Variants in IQGAP2 observed in about 807,000 individuals in gnomAD.
IQGAP2 encodes IQ motif containing GTPase activating protein 2, also known as ras GTPase-activating-like protein IQGAP2.
A neutral mutation model predicts 201.3 loss-of-function variants in IQGAP2; 173 were observed. That is an observed-to-expected ratio of 0.86 (90% CI 0.76 to 0.98). The LOEUF (loss-of-function observed/expected upper bound fraction) is 0.98, where lower values mean the gene tolerates loss of function less well. Among genes scored for constraint, IQGAP2 ranks in the 50% least tolerant of loss-of-function variants. IQGAP2 has a pLI of 0.00. For missense variants in IQGAP2, 1,687 were observed against 1,864.8 expected (o/e 0.90, Z 1.76); for synonymous variants, 675 against 673.9 (o/e 1.00, Z -0.03).
chr5:76,620,206 G>C (rs755192877), intron 13 of IQGAP2, among the ~76,000 whole-genome samples: 1 of 152,208 alleles, frequency 6.6e-6, no homozygotes, highest in South Asian at 2.1e-4. Context: ...AGGTAATAGT[G>C]TAGAGAACAG....
At chr5:76,667,895 T>G (rs1288851551) in intron 22 of IQGAP2, among the ~76,000 whole-genome samples, 2 of 116,002 alleles carry the variant, frequency 1.7e-5, no homozygotes, top group Non-Finnish European at 3.7e-5. Flanking sequence ...TTTTTTTTTT[T>G]TTTTTGATAC....
intron 2 of IQGAP2, among the ~76,000 whole-genome samples, chr5:76,512,937 C>A (rs1580357696): frequency 1.3e-5 from 2 of 152,132 alleles, no homozygotes; most frequent in East Asian, 1.9e-4. Flanking sequence ...CGCCTGTAAT[C>A]CCAGCTACTC....
chr5:76,467,499 G>A (rs1305313943), intron 2 of IQGAP2, among the ~76,000 whole-genome samples: 1 of 152,170 alleles, frequency 6.6e-6, no homozygotes, highest in Non-Finnish European at 1.5e-5. Flanking sequence ...ACAAATGTTA[G>A]TGAGGATGTA....
At chr5:76,622,222 C>T (rs367859520) in intron 13 of IQGAP2, among the ~76,000 whole-genome samples, 5 of 152,148 alleles carry the variant, frequency 3.3e-5, no homozygotes, top group East Asian at 1.9e-4. Flanking sequence ...GAACCACCCC[C>T]GAAAACCTTG....
chr5:76,418,966 G>A (rs1751567398), intron 1 of IQGAP2, among the ~76,000 whole-genome samples: 1 of 152,078 alleles, frequency 6.6e-6, no homozygotes, highest in African/African-American at 2.4e-5. Context: ...ATCCACACCA[G>A]CATAATATCC....
chr5:76,609,030 G>A (rs1358947205), intron 12 of IQGAP2: 1 of 1,416,712 alleles, frequency 7.1e-7, no homozygotes, highest in African/African-American at 1.4e-5. Flanking sequence ...AGGAAGTGAT[G>A]CATATGTTCC....
intron 2 of IQGAP2, among the ~76,000 whole-genome samples, chr5:76,559,334 C>T (rs954297261): frequency 7.2e-5 from 11 of 152,210 alleles, no homozygotes; most frequent in African/African-American, 2.4e-4. Context: ...TGGGAAAGGC[C>T]TGACAGAGGA....
rs1312017837 is a variant in IQGAP2, at chr5:76,436,206, A to C, written c.47-25364A>C. Reference sequence around the variant, plus strand: ...ATCTTTTCCAATTTGGATGCCCTTTATTTCTTTCTCTTGCCTTATTGCTAT... The same window carrying C: ...ATCTTTTCCAATTTGGATGCCCTTTCTTTCTTTCTCTTGCCTTATTGCTAT... On this transcript the variant is annotated intron_variant, in intron 1 of 35. Coordinates refer to ENST00000274364, the MANE Select transcript of IQGAP2 (RefSeq NM_006633.5). Among the ~76,000 whole-genome samples, 3 of 151,518 alleles carry C rather than the reference A, an allele frequency of 2.0e-5. No individual in the cohort carries two copies. In the East Asian group the frequency reaches 5.8e-4, roughly 29 times the overall value.
At chr5:76,653,849 T>C (rs1752703060) in intron 18 of IQGAP2, among the ~76,000 whole-genome samples, 1 of 152,214 alleles carries the variant, frequency 6.6e-6, no homozygotes, top group African/African-American at 2.4e-5. Flanking sequence ...CTTAGTTTAC[T>C]TGATTTCCTG....
At chr5:76,436,865 G>A (rs759482813) in intron 1 of IQGAP2, among the ~76,000 whole-genome samples, 4 of 151,410 alleles carry the variant, frequency 2.6e-5, no homozygotes, top group African/African-American at 7.3e-5. Flanking sequence ...TTTATGTGAT[G>A]TATTGACTTA....
chr5:76,677,368 G>A lies in IQGAP2; in HGVS notation c.3660+18G>A, dbSNP rs780501950. ...CACACTCAGTAAGTGGGGATGGGGA[G>A]CCATCTTAGCAATGGACCCATGATT... On this transcript the variant is annotated intron_variant, in intron 28 of 35. Coordinates refer to ENST00000274364, the MANE Select transcript of IQGAP2 (RefSeq NM_006633.5). The A allele has an allele frequency of 1.2e-6, 2 of 1,611,836 alleles. No individual in the cohort carries two copies. The highest frequency in any genetic ancestry group is 4.5e-5 in the East Asian group (2 of 44,818).
chr5:76,625,960 A>G (rs1750182019), intron 13 of IQGAP2, among the ~76,000 whole-genome samples: 1 of 152,236 alleles, frequency 6.6e-6, no homozygotes, highest in Non-Finnish European at 1.5e-5. Context: ...AAAAGATTTT[A>G]TAAAACACAA....
intron 2 of IQGAP2, among the ~76,000 whole-genome samples, chr5:76,515,907 T>G (rs1230540903): frequency 7.0e-6 from 1 of 143,078 alleles, no homozygotes; most frequent in Non-Finnish European, 1.5e-5. Context: ...AGATAGAGTC[T>G]TACTCTGTTA....
At chr5:76,539,287 C>A (rs1026202296) in intron 2 of IQGAP2, among the ~76,000 whole-genome samples, 2 of 152,154 alleles carry the variant, frequency 1.3e-5, no homozygotes, top group African/African-American at 4.8e-5. Context: ...TGGAACATTC[C>A]CTTGAGGCTC....
At chr5:76,516,176 G>C (rs1393662115) in intron 2 of IQGAP2, among the ~76,000 whole-genome samples, 1 of 152,042 alleles carries the variant, frequency 6.6e-6, no homozygotes, top group Non-Finnish European at 1.5e-5. Context: ...CACCCAGCCA[G>C]GGATGATCTT....
At chr5:76,531,943 T>C (rs1360054213) in intron 2 of IQGAP2, among the ~76,000 whole-genome samples, 1 of 152,226 alleles carries the variant, frequency 6.6e-6, no homozygotes, top group Non-Finnish European at 1.5e-5. Flanking sequence ...TACTTCCTCA[T>C]AGATGGCTGT....
At chr5:76,491,584 G>A (rs1010832658) in intron 2 of IQGAP2, among the ~76,000 whole-genome samples, 5 of 152,082 alleles carry the variant, frequency 3.3e-5, no homozygotes, top group Admixed American at 2.0e-4. Context: ...GATTACAGGC[G>A]TGAGCCACCG....
intron 35 of IQGAP2, among the ~76,000 whole-genome samples, chr5:76,705,247 C>T (rs1436269860): frequency 6.6e-6 from 1 of 152,106 alleles, no homozygotes; most frequent in Non-Finnish European, 1.5e-5. Flanking sequence ...TCCAGTTGAT[C>T]CTGCAAGACA....
intron 16 of IQGAP2, among the ~76,000 whole-genome samples, chr5:76,637,579 T>C (rs1751248417): frequency 6.6e-6 from 1 of 152,174 alleles, no homozygotes; most frequent in South Asian, 2.1e-4. Flanking sequence ...AAAATGTCAT[T>C]TTTTTCTACA....
Sources: gnomAD v4.1 joint callset for allele counts (sites outside exome capture counted in the v4.1 genomes callset) on GRCh38, gnomAD v4.1.1 for gene constraint, MANE v1.5 for transcripts, NCBI Gene and HGNC (gene_info 2026-07-23, HGNC 2026-07-21) for gene names.